The following DNAH8 variants were observed in gnomAD, a reference collection of about 807,000 sequenced individuals.
The protein encoded by DNAH8 is dynein axonemal heavy chain 8.
DNAH8 carries 382 observed loss-of-function variants against 562.1 expected under a neutral mutation model. That is an observed-to-expected ratio of 0.68 (90% CI 0.63 to 0.74). DNAH8 has a LOEUF of 0.74. DNAH8 is among the 30% of genes least tolerant of loss of function. DNAH8 has a pLI of 0.00. For missense variants in DNAH8, 5,203 were observed against 5,620.4 expected (o/e 0.93, Z 2.37); for synonymous variants, 1,881 against 1,919.4 (o/e 0.98, Z 0.52).
chr6:38,878,129 G>A (rs1277390607), intron 53 of DNAH8, among the ~76,000 whole-genome samples: 2 of 152,142 alleles, frequency 1.3e-5, no homozygotes, highest in Non-Finnish European at 2.9e-5. Flanking sequence ...CAAATCCACA[G>A]TTATACTAAA....
intron 62 of DNAH8, among the ~76,000 whole-genome samples, chr6:38,903,714 GC>G (rs1373652453): frequency 6.8e-6 from 1 of 147,798 alleles, no homozygotes; most frequent in Non-Finnish European, 1.5e-5. Flanking sequence ...CCGGGTTCAA[GC>G]AGTTATCTGC....
Position 38,737,846 on chromosome 6 carries a change from G to T in DNAH8, c.990G>T (p.Lys330Asn). The change falls in exon 7 of 93, where the codon AAG becomes AAT. Residue 330 changes from lysine to asparagine, a missense_variant. Lys to Asn is a moderately conservative substitution (Grantham distance 94). This residue lies in a region of DNAH8 where 556 missense variants were observed against 496.9 expected (regional missense o/e 1.12). Coordinates refer to ENST00000327475, the MANE Select transcript of DNAH8 (RefSeq NM_001206927.2). ...GTATTGAGGGAACAGTGAAGTTAAA[G>T]ACAATAGACAATGTTAATTTTTCCA... ...RISIEGTVKL[K>N]TIDNVNFSKL... 6.4e-7 allele frequency: 1 copy of T among 1,574,474 alleles called. No homozygotes were observed. Among genetic ancestry groups the T allele is most frequent in the South Asian group, 1.2e-5 (1 of 84,990 alleles).
chr6:39,019,384 G>A (rs989217493), intron 91 of DNAH8, among the ~76,000 whole-genome samples: 9 of 152,218 alleles, frequency 5.9e-5, no homozygotes, highest in Non-Finnish European at 8.8e-5. Flanking sequence ...GAAGCAGGAG[G>A]TGAGGTCCTC....
At chr6:38,768,471 T>G (rs1366626396) in intron 11 of DNAH8, among the ~76,000 whole-genome samples, 1 of 152,082 alleles carries the variant, frequency 6.6e-6, no homozygotes, top group Non-Finnish European at 1.5e-5. Context: ...TTTGCTATGT[T>G]GCCCAGGTGG....
At chr6:38,840,612 T>C (rs1027050538) in intron 33 of DNAH8, among the ~76,000 whole-genome samples, 3 of 152,222 alleles carry the variant, frequency 2.0e-5, no homozygotes, top group African/African-American at 7.2e-5. Flanking sequence ...GAAGACATAG[T>C]ATGAGATTTC....
At chr6:38,873,922 A>C (rs935441074) in intron 52 of DNAH8, among the ~76,000 whole-genome samples, 2 of 151,944 alleles carry the variant, frequency 1.3e-5, no homozygotes, top group Non-Finnish European at 2.9e-5. Flanking sequence ...TGGCTTTGGA[A>C]ATTTAGCATA....
rs184468295 is a variant in DNAH8, at chr6:38,966,999, C to T, written c.12452-4593C>T. ...TTAATACCTTGTCACTTCCTAGTAC[C>T]ATCACTTTGGGGTTTAGGTTTCAAC... On this transcript the variant is annotated intron_variant, in intron 82 of 92. Transcript: ENST00000327475. Among the ~76,000 whole-genome samples the T allele has an allele frequency of 7.9e-5, 12 of 152,256 alleles. No homozygotes were observed. In the East Asian group the frequency reaches 2.3e-3, roughly 29 times the overall value.
intron 32 of DNAH8, among the ~76,000 whole-genome samples, chr6:38,835,023 C>CT (rs1212498151): frequency 1.3e-5 from 2 of 152,176 alleles, no homozygotes; most frequent in South Asian, 2.1e-4. Flanking sequence ...GCATCCATCT[C>CT]TTTAAGTTTC....
intron 62 of DNAH8, among the ~76,000 whole-genome samples, chr6:38,903,565 A>G (rs1780221910): frequency 1.3e-5 from 2 of 150,702 alleles, no homozygotes; most frequent in Admixed American, 6.6e-5. Context: ...CATCCAAACT[A>G]TATTATGCTC....
intron 17 of DNAH8, among the ~76,000 whole-genome samples, chr6:38,785,286 G>A (rs377224496): frequency 8.5e-5 from 13 of 152,278 alleles, no homozygotes; most frequent in African/African-American, 3.1e-4. Flanking sequence ...TGGATATGTA[G>A]CATCAGCCTC....
chr6:38,953,730 G>A (rs558650498), intron 82 of DNAH8, among the ~76,000 whole-genome samples: 11 of 152,178 alleles, frequency 7.2e-5, no homozygotes, highest in African/African-American at 1.9e-4. Context: ...TACACATACC[G>A]AACAACATGT....
intron 1 of DNAH8, among the ~76,000 whole-genome samples, chr6:38,720,476 A>G (rs1248234020): frequency 1.3e-5 from 2 of 152,216 alleles, no homozygotes; most frequent in Non-Finnish European, 2.9e-5. Context: ...TTGGATGGGC[A>G]GCAATCTGAT....
At chr6:38,718,857 T>G (rs578111749) in intron 1 of DNAH8, among the ~76,000 whole-genome samples, 5 of 152,318 alleles carry the variant, frequency 3.3e-5, no homozygotes, top group African/African-American at 1.2e-4. Context: ...TTCTAAACTT[T>G]TTTTCCCAAC....
chr6:38,757,996 C>A (rs1766097596), intron 10 of DNAH8, among the ~76,000 whole-genome samples: 1 of 152,034 alleles, frequency 6.6e-6, no homozygotes, highest in South Asian at 2.1e-4. Flanking sequence ...ATTGACTTGG[C>A]AATTTTTTGC....
chr6:38,864,948 C>T (rs777188347), intron 45 of DNAH8, among the ~76,000 whole-genome samples: 3 of 151,834 alleles, frequency 2.0e-5, no homozygotes, highest in Non-Finnish European at 4.4e-5. Flanking sequence ...TCTTTGACAC[C>T]GAATAAAAGG....
At chr6:38,860,401 A>T in intron 42 of DNAH8, 56 bp from the exon 43 acceptor site, 1 of 1,037,162 alleles carries the variant, frequency 9.6e-7, no homozygotes. Flanking sequence ...CCACATGCTT[A>T]TGTTTTATGC....
intron 43 of DNAH8, among the ~76,000 whole-genome samples, chr6:38,861,596 C>T (rs1426735511): frequency 1.3e-5 from 2 of 152,142 alleles, no homozygotes; most frequent in African/African-American, 4.8e-5. Context: ...CTTGCTCTGT[C>T]GCCCAGGCTG....
intron 70 of DNAH8, among the ~76,000 whole-genome samples, chr6:38,919,404 C>G (rs1781533190): frequency 6.6e-6 from 1 of 152,100 alleles, no homozygotes; most frequent in African/African-American, 2.4e-5. Context: ...CTGTTGCCCT[C>G]TTCAGATTCT....
intron 58 of DNAH8, 35 bp downstream of exon 58, chr6:38,890,796 C>A (rs764796986): frequency 7.0e-7 from 1 of 1,429,584 alleles, no homozygotes; most frequent in Non-Finnish European, 9.9e-7. Context: ...TTTAAAAAGG[C>A]AACTATTATT....
Sources: allele counts gnomAD v4.1 joint callset (sites outside exome capture counted in the v4.1 genomes callset), GRCh38; gene constraint gnomAD v4.1.1; regional missense constraint gnomAD v4.1.1; transcripts MANE v1.5; gene names NCBI Gene and HGNC (gene_info 2026-07-23, HGNC 2026-07-21).